Variants in GNB1 observed in about 807,000 individuals in gnomAD.
GNB1 encodes the protein guanine nucleotide-binding protein G(I)/G(S)/G(T) subunit beta-1.
GNB1 carries 2 observed loss-of-function variants against 42.9 expected under a neutral mutation model. That is an observed-to-expected ratio of 0.05 (90% CI 0.02 to 0.15). The LOEUF (loss-of-function observed/expected upper bound fraction) is 0.15. Among genes scored for constraint, GNB1 ranks in the 10% least tolerant of loss-of-function variants. The pLI is 1.00. For synonymous variants in GNB1, 183 were observed against 174.7 expected, an observed-to-expected ratio of 1.05 and a Z score of -0.38; for missense variants, 193 against 462.2, an observed-to-expected ratio of 0.42 and a Z score of 5.34.
intron 5 of GNB1, among the ~76,000 whole-genome samples, chr1:1,808,785 A>G (rs1308387425): frequency 6.6e-6 from 1 of 152,144 alleles, no homozygotes; most frequent in African/African-American, 2.4e-5. Context: ...CTGGGATTAC[A>G]GGTACGTGCC....
At chr1:1,877,112 C>T (rs1649584318) in intron 1 of GNB1, among the ~76,000 whole-genome samples, 1 of 151,792 alleles carries the variant, frequency 6.6e-6, no homozygotes, top group African/African-American at 2.4e-5. Flanking sequence ...ACCAGCCTGA[C>T]CAACATGGTG....
At chr1:1,813,292 G>C (rs1646807790) in intron 5 of GNB1, among the ~76,000 whole-genome samples, 1 of 152,058 alleles carries the variant, frequency 6.6e-6, no homozygotes, top group African/African-American at 2.4e-5. Flanking sequence ...ATTTTTAGCA[G>C]AGATGGGGTT....
intron 1 of GNB1, among the ~76,000 whole-genome samples, chr1:1,866,120 TAGAC>T (rs1392281108): frequency 1.3e-5 from 2 of 152,146 alleles, no homozygotes; most frequent in Admixed American, 6.5e-5. Context: ...TTCTATTTAG[TAGAC>T]AGACAGGGTT....
intron 1 of GNB1, among the ~76,000 whole-genome samples, chr1:1,871,415 G>A (rs142041487): frequency 2.0e-4 from 30 of 152,100 alleles, no homozygotes; most frequent in African/African-American, 2.9e-4. Flanking sequence ...AGCCCAGATC[G>A]CGCTACTGCA....
intron 1 of GNB1, among the ~76,000 whole-genome samples, chr1:1,862,229 ATAAC>A (rs918414107): frequency 6.6e-6 from 1 of 152,208 alleles, no homozygotes; most frequent in Non-Finnish European, 1.5e-5. Context: ...AAATAAATAA[ATAAC>A]TAAGTAAAGT....
intron 3 of GNB1, chr1:1,818,123 TG>T: frequency 5.5e-6 from 2 of 363,958 alleles, no homozygotes; most frequent in Non-Finnish European, 1.1e-5. Flanking sequence ...ACAATATTCC[TG>T]GGGACCCACA....
At position 1,845,176 on chromosome 1, in the gene GNB1, A is replaced by G. The variant is rs190623055; in HGVS notation, c.-95-5938T>C. Among the ~76,000 whole-genome samples, 169 of 152,308 alleles carry G rather than the reference A, an allele frequency of 1.1e-3. 1 individual carries two copies. The highest frequency in any genetic ancestry group is 3.9e-3 in the African/African-American group (163 of 41,574). Reference sequence around the variant, plus strand: ...AACCAACCAACCAAAAAAAGGTCTAAAGACATCACGTTAATTTAGAATACT... The same window carrying G: ...AACCAACCAACCAAAAAAAGGTCTAGAGACATCACGTTAATTTAGAATACT... On this transcript the variant is annotated intron_variant, in intron 1 of 11. Coordinates refer to ENST00000378609, the MANE Select transcript of GNB1 (RefSeq NM_002074.5).
At chr1:1,798,989 G>A (rs1001462242) in intron 7 of GNB1, among the ~76,000 whole-genome samples, 1 of 149,762 alleles carries the variant, frequency 6.7e-6, no homozygotes, top group African/African-American at 2.5e-5. Context: ...GCGCGATCTC[G>A]GCTCACTGCA....
chr1:1,803,224 T>G (rs1306346016), intron 7 of GNB1, among the ~76,000 whole-genome samples: 1 of 152,232 alleles, frequency 6.6e-6, no homozygotes, highest in East Asian at 1.9e-4. Context: ...ATGCCTTTCA[T>G]GATGAATTAG....
At chr1:1,812,388 A>G (rs1646793621) in intron 5 of GNB1, among the ~76,000 whole-genome samples, 1 of 116,626 alleles carries the variant, frequency 8.6e-6, no homozygotes, top group African/African-American at 2.9e-5. Flanking sequence ...ATACATGTAT[A>G]TATATACACA....
At chr1:1,792,696 CAAAAAAAAAAAAAA>C (rs374752641) in intron 8 of GNB1, among the ~76,000 whole-genome samples, 1 of 102,810 alleles carries the variant, frequency 9.7e-6, no homozygotes, top group African/African-American at 3.6e-5. Flanking sequence ...GACTCTATCT[CAAAAAAAAAAAAAA>C]AAAGAAAAAA....
intron 1 of GNB1, among the ~76,000 whole-genome samples, chr1:1,849,554 C>T (rs774813404): frequency 1.3e-5 from 2 of 152,070 alleles, no homozygotes; most frequent in Non-Finnish European, 2.9e-5. Flanking sequence ...CCACAGGCAC[C>T]GCCAGAGCAC....
chr1:1,842,287 G>A (rs373866715), intron 1 of GNB1, among the ~76,000 whole-genome samples: 22 of 152,092 alleles, frequency 1.4e-4, no homozygotes, highest in African/African-American at 2.4e-4. Context: ...AAAATTAGCC[G>A]GGCATGGTGG....
intron 1 of GNB1, among the ~76,000 whole-genome samples, chr1:1,845,522 G>A (rs914448144): frequency 2.6e-5 from 4 of 152,076 alleles, no homozygotes; most frequent in Non-Finnish European, 4.4e-5. Context: ...GCAGTGAGCC[G>A]AGATCGTGCC....
intron 6 of GNB1, among the ~76,000 whole-genome samples, chr1:1,805,748 G>A (rs1646688152): frequency 6.6e-6 from 1 of 151,862 alleles, no homozygotes; most frequent in African/African-American, 2.4e-5. Flanking sequence ...CACCATGTTG[G>A]CTAGGCTGGT....
At chr1:1,793,446 T>C in intron 7 of GNB1, 135 bp from the exon 8 acceptor site, 2 of 601,332 alleles carry the variant, frequency 3.3e-6, no homozygotes, top group Non-Finnish European at 3.2e-6. Context: ...TGACCTTTTA[T>C]TCCCATCTGT....
chr1:1,823,229 G>A lies in GNB1; in HGVS notation c.57+2168C>T, dbSNP rs566829916. 1.5e-3 allele frequency among the ~76,000 whole-genome samples: 202 copies of A among 133,124 alleles called. 1 individual carries two copies. The highest frequency in any genetic ancestry group is 3.1e-3 in the Admixed American group (39 of 12,478). The allele number at this position is 133,124 out of a possible 152,430, so 87.3% of individuals were successfully genotyped here. A position where few individuals can be genotyped will look rare whatever the true frequency, so the allele number is the denominator to read the frequency against. On this transcript the variant is annotated intron_variant, in intron 3 of 11. Coordinates refer to ENST00000378609, the MANE Select transcript of GNB1 (RefSeq NM_002074.5). ...TGCACTCCAGCCTGGGGAACAGGGCGAGACTGTCTCCAGAAAAAAAAAAAA... is the reference window on the plus strand; with the variant it reads ...TGCACTCCAGCCTGGGGAACAGGGCAAGACTGTCTCCAGAAAAAAAAAAAA...
At chr1:1,817,691 A>C in intron 4 of GNB1, 146 bp downstream of exon 4, 1 of 572,214 alleles carries the variant, frequency 1.7e-6, no homozygotes, top group South Asian at 2.2e-5. Flanking sequence ...GCCTACCATC[A>C]GAATGACTTC....
intron 7 of GNB1, among the ~76,000 whole-genome samples, chr1:1,796,350 G>A (rs1646546331): frequency 6.6e-6 from 1 of 152,196 alleles, no homozygotes; most frequent in East Asian, 1.9e-4. Flanking sequence ...TTCTGGCCAA[G>A]AGGCCACGAG....
Sources: gnomAD v4.1 joint callset for allele counts (sites outside exome capture counted in the v4.1 genomes callset) on GRCh38, gnomAD v4.1.1 for gene constraint, MANE v1.5 for transcripts, NCBI Gene and HGNC (gene_info 2026-07-23, HGNC 2026-07-21) for gene names.